The following JMJD1C variants were observed in gnomAD, a reference collection of about 807,000 sequenced individuals.
The protein encoded by JMJD1C is jumonji domain containing 1C, also known as jumonji domain-containing protein 1C.
In JMJD1C, 31 loss-of-function variants were observed where a neutral mutation model predicts 245.3. That is an observed-to-expected ratio of 0.13 (90% confidence interval 0.09 to 0.17). JMJD1C has a LOEUF of 0.17. Among genes scored for constraint, JMJD1C ranks in the 10% least tolerant of loss-of-function variants. The pLI, the probability that JMJD1C is intolerant of heterozygous loss-of-function variation, is 1.00. For missense variants in JMJD1C, 2,691 were observed against 3,000.2 expected (o/e 0.90, Z 2.41); for synonymous variants, 1,057 against 1,017.4 (o/e 1.04, Z -0.74).
intron 1 of JMJD1C, among the ~76,000 whole-genome samples, chr10:63,412,301 G>A (rs1176615400): frequency 6.6e-6 from 1 of 151,972 alleles, no homozygotes; most frequent in African/African-American, 2.4e-5. Context: ...AGCTAGAGAA[G>A]TTATTATGAG....
intron 2 of JMJD1C, among the ~76,000 whole-genome samples, chr10:63,271,628 T>C (rs1240101254): frequency 2.0e-5 from 3 of 151,906 alleles, no homozygotes; most frequent in South Asian, 4.2e-4. Flanking sequence ...CTTGCCTCAC[T>C]GCAACCACTG....
Position 63,349,907 on chromosome 10 carries a change from C to T in JMJD1C, c.333+30411G>A, listed in dbSNP as rs569280718. Among the ~76,000 whole-genome samples, 43 of 152,164 alleles carry T rather than the reference C, an allele frequency of 2.8e-4. No individual in the cohort carries two copies. The South Asian group carries it at 8.3e-3, about 29-fold the overall frequency. On this transcript the variant is annotated intron_variant, in intron 2 of 25. Transcript: ENST00000399262. ...CAGATTGATAACTGGTAAAGAGTAT[C>T]TACATAAATTTTTTAAAACTTTAGG...
intron 1 of JMJD1C, among the ~76,000 whole-genome samples, chr10:63,505,028 C>G (rs1954674250): frequency 6.6e-6 from 1 of 152,082 alleles, no homozygotes; most frequent in Non-Finnish European, 1.5e-5. Flanking sequence ...AAAAAGCTTC[C>G]TCAGCTGGGC....
intron 3 of JMJD1C, among the ~76,000 whole-genome samples, chr10:63,256,875 G>A (rs1854008065): frequency 6.6e-6 from 1 of 152,182 alleles, no homozygotes; most frequent in South Asian, 2.1e-4. Context: ...AGATGCATAT[G>A]AAAAGTCAGG....
intron 3 of JMJD1C, among the ~76,000 whole-genome samples, chr10:63,225,258 C>T (rs1433025342): frequency 6.6e-6 from 1 of 152,076 alleles, no homozygotes. Context: ...AAACTGTATC[C>T]TATTTGAGCT....
At chr10:63,417,267 T>C (rs1949863267) in intron 1 of JMJD1C, among the ~76,000 whole-genome samples, 1 of 152,200 alleles carries the variant, frequency 6.6e-6, no homozygotes, top group Non-Finnish European at 1.5e-5. Flanking sequence ...ATGCTCAATG[T>C]ACATACATAG....
intron 2 of JMJD1C, among the ~76,000 whole-genome samples, chr10:63,273,301 C>G (rs1482630435): frequency 6.6e-6 from 1 of 152,206 alleles, no homozygotes; most frequent in Non-Finnish European, 1.5e-5. Flanking sequence ...AAGCCATCCT[C>G]CTGCCTCAGT....
intron 18 of JMJD1C, among the ~76,000 whole-genome samples, chr10:63,187,600 G>T (rs1042828313): frequency 6.6e-6 from 1 of 151,954 alleles, no homozygotes; most frequent in Non-Finnish European, 1.5e-5. Flanking sequence ...ACCACGTCTG[G>T]CTAATTAAAA....
At chr10:63,251,699 C>A (rs752848210) in intron 3 of JMJD1C, among the ~76,000 whole-genome samples, 1 of 152,176 alleles carries the variant, frequency 6.6e-6, no homozygotes, top group African/African-American at 2.4e-5. Flanking sequence ...ACCTGGTATG[C>A]CACATAAATA....
intron 1 of JMJD1C, among the ~76,000 whole-genome samples, chr10:63,507,344 T>TTTAA (rs1954748849): frequency 6.6e-6 from 1 of 152,228 alleles, no homozygotes; most frequent in Middle Eastern, 3.4e-3. Flanking sequence ...CCAAACCGTC[T>TTTAA]TTAAAAGTGG....
chr10:63,374,379 C>T (rs959098234), intron 2 of JMJD1C, among the ~76,000 whole-genome samples: 1 of 151,888 alleles, frequency 6.6e-6, no homozygotes, highest in South Asian at 2.1e-4. Flanking sequence ...TGTAAAACTC[C>T]TCCTGTTTTG....
At chr10:63,311,635 GA>G (rs956801117) in intron 2 of JMJD1C, among the ~76,000 whole-genome samples, 2 of 152,028 alleles carry the variant, frequency 1.3e-5, no homozygotes, top group Non-Finnish European at 1.5e-5. Flanking sequence ...AAATCATTCT[GA>G]AAAAAATACA....
At chr10:63,226,993 G>A (rs1449686517) in intron 3 of JMJD1C, among the ~76,000 whole-genome samples, 1 of 152,060 alleles carries the variant, frequency 6.6e-6, no homozygotes, top group East Asian at 1.9e-4. Flanking sequence ...CCTTGAACCT[G>A]GGAGGCAGAA....
intron 2 of JMJD1C, among the ~76,000 whole-genome samples, chr10:63,284,012 TTTC>T (rs987426334): frequency 9.2e-5 from 14 of 151,860 alleles, no homozygotes; most frequent in Non-Finnish European, 1.2e-4. Context: ...TCTGTTTTCT[TTTC>T]TTCTTTTTTT....
intron 2 of JMJD1C, among the ~76,000 whole-genome samples, chr10:63,314,628 TG>T (rs1939693073): frequency 6.6e-6 from 1 of 152,026 alleles, no homozygotes; most frequent in South Asian, 2.1e-4. Context: ...TTCAAAGTTT[TG>T]TTTTTTTTTT....
intron 2 of JMJD1C, among the ~76,000 whole-genome samples, chr10:63,327,232 G>T (rs560185368): frequency 6.6e-6 from 1 of 152,174 alleles, no homozygotes; most frequent in East Asian, 1.9e-4. Context: ...TCTGAAAAGG[G>T]GCAAGTGTTA....
chr10:63,304,932 G>A lies in JMJD1C; in HGVS notation c.334-40168C>T, dbSNP rs751977162. Among the ~76,000 whole-genome samples the A allele has an allele frequency of 3.3e-5, 5 of 152,110 alleles. No homozygotes were observed. In the East Asian group the frequency reaches 5.8e-4, roughly 18 times the overall value. On this transcript the variant is annotated intron_variant, in intron 2 of 25. Transcript: ENST00000399262. The stretch of plus-strand genomic sequence containing the variant: ...GAGGATCACTTGAAGCCAGGAATTT[G>A]AGAACACTTAGACAGCAGAGCAAGA...
At chr10:63,284,517 A>G (rs963811742) in intron 2 of JMJD1C, among the ~76,000 whole-genome samples, 3 of 152,200 alleles carry the variant, frequency 2.0e-5, no homozygotes, top group Admixed American at 6.5e-5. Flanking sequence ...ATCTGCAGAA[A>G]CACCAACCCT....
intron 2 of JMJD1C, among the ~76,000 whole-genome samples, chr10:63,323,364 A>G (rs1941130021): frequency 6.6e-6 from 1 of 152,130 alleles, no homozygotes; most frequent in Non-Finnish European, 1.5e-5. Context: ...CCTCTACTAA[A>G]AATACAAAAA....
Sources: gnomAD v4.1 joint callset for allele counts (sites outside exome capture counted in the v4.1 genomes callset) on GRCh38, gnomAD v4.1.1 for gene constraint, MANE v1.5 for transcripts, NCBI Gene and HGNC (gene_info 2026-07-23, HGNC 2026-07-21) for gene names.